LIPA: variants seen among roughly 807,000 people sequenced by gnomAD.
LIPA encodes lysosomal acid lipase/cholesteryl ester hydrolase.
In LIPA, 26 loss-of-function variants were observed where a neutral mutation model predicts 40.6. The ratio of observed to expected loss-of-function variants is 0.64; its 90% CI spans 0.47 to 0.89. The LOEUF (loss-of-function observed/expected upper bound fraction) is 0.89. Ranked by LOEUF, LIPA falls within the 40% of genes least tolerant of loss-of-function variation. The pLI, the probability that LIPA is intolerant of heterozygous loss-of-function variation, is 0.00. For synonymous variants in LIPA, 188 were observed against 168.4 expected, an observed-to-expected ratio of 1.12 and a Z score of -0.90; for missense variants, 455 against 479.6, an observed-to-expected ratio of 0.95 and a Z score of 0.48.
At chr10:89,222,670 T>TAAAAACTA (rs1278188218) in intron 7 of LIPA, 88 bp from the exon 8 acceptor site, 15 of 867,674 alleles carry the variant, frequency 1.7e-5, no homozygotes, top group Admixed American at 1.0e-4. Context: ...TTCAAAGCAC[T>TAAAAACTA]AAAAACTAGA....
At chr10:89,339,327 T>C in intron 1 of LIPA, 1 of 1,613,818 alleles carries the variant, frequency 6.2e-7, no homozygotes, top group Non-Finnish European at 8.5e-7. Flanking sequence ...ATAAAGAAGC[T>C]GAAGGAGAGC....
intron 1 of LIPA, among the ~76,000 whole-genome samples, chr10:89,322,236 C>T (rs113501317): frequency 6.9e-4 from 105 of 152,046 alleles, no homozygotes; most frequent in Middle Eastern, 3.4e-3. Context: ...AATGCAGTTT[C>T]GAGCTCGGGG....
intron 1 of LIPA, chr10:89,339,968 A>T (rs966086337): frequency 6.2e-7 from 1 of 1,614,222 alleles, no homozygotes; most frequent in Non-Finnish European, 8.5e-7. Flanking sequence ...GCCAAATGTT[A>T]TGAGAAGGAA....
At chr10:89,345,784 CAG>C (rs1367664893), upstream of LIPA, among the ~76,000 whole-genome samples, 1 of 152,004 alleles carries the variant, frequency 6.6e-6, no homozygotes, top group Non-Finnish European at 1.5e-5. Context: ...GGAAAATCAA[CAG>C]AGATATTCAG....
chr10:89,339,859 C>T (rs376587457), intron 1 of LIPA: 2 of 1,614,060 alleles, frequency 1.2e-6, no homozygotes, highest in African/African-American at 2.7e-5. Flanking sequence ...CAAAGACCAA[C>T]CACAGAATGT....
At chr10:89,249,607 T>G (rs965473119) in intron 1 of LIPA, among the ~76,000 whole-genome samples, 1 of 151,798 alleles carries the variant, frequency 6.6e-6, no homozygotes, top group Admixed American at 6.6e-5. Context: ...AAAATAATTA[T>G]GCCAAAAGAA....
At chr10:89,354,086 C>A (rs1259512439) in intron 2 of LIPA, among the ~76,000 whole-genome samples, 2 of 152,192 alleles carry the variant, frequency 1.3e-5, no homozygotes, top group Non-Finnish European at 2.9e-5. Flanking sequence ...TTTCTTTCTT[C>A]TAAGGAGGCA....
At chr10:89,229,457 G>A (rs1459507537) in intron 3 of LIPA, among the ~76,000 whole-genome samples, 1 of 152,144 alleles carries the variant, frequency 6.6e-6, no homozygotes, top group African/African-American at 2.4e-5. Context: ...AACATCAAGA[G>A]TGAACTGTAG....
intron 1 of LIPA, among the ~76,000 whole-genome samples, chr10:89,272,048 C>A (rs1843268398): frequency 6.6e-6 from 1 of 151,752 alleles, no homozygotes. Flanking sequence ...CCAGCCTGGG[C>A]ACACAGAGTG....
intron 2 of LIPA, among the ~76,000 whole-genome samples, chr10:89,347,902 C>T (rs1159095860): frequency 1.3e-5 from 2 of 152,146 alleles, no homozygotes; most frequent in African/African-American, 2.4e-5. Flanking sequence ...GCAGCCCAAG[C>T]GGGACATGCC....
At chr10:89,285,816 C>T (rs1381427890) in intron 1 of LIPA, among the ~76,000 whole-genome samples, 1 of 151,730 alleles carries the variant, frequency 6.6e-6, no homozygotes, top group East Asian at 1.9e-4. Context: ...AACACCCCAC[C>T]CCTTCCCCAT....
chr10:89,376,445 T>C (rs981091483), intron 2 of LIPA, among the ~76,000 whole-genome samples: 7 of 152,212 alleles, frequency 4.6e-5, no homozygotes, highest in African/African-American at 1.7e-4. Context: ...ACGTTCCTTT[T>C]CTGGGTAGTC....
At chr10:89,392,791 A>T in intron 2 of LIPA, 4 of 1,486,316 alleles carry the variant, frequency 2.7e-6, no homozygotes, top group Non-Finnish European at 3.8e-6. Context: ...CTATTTCAAC[A>T]GGTTAGATCT....
intron 1 of LIPA, among the ~76,000 whole-genome samples, chr10:89,321,517 G>A: frequency 6.6e-6 from 1 of 152,198 alleles, no homozygotes; most frequent in Admixed American, 6.5e-5. Context: ...AAACCACAAT[G>A]AGATGCCATC....
chr10:89,348,405 A>T (rs529366642), intron 2 of LIPA, among the ~76,000 whole-genome samples: 9 of 152,306 alleles, frequency 5.9e-5, no homozygotes, highest in Admixed American at 5.2e-4. Context: ...AACTGGAAAA[A>T]GTGTATACAA....
At position 89,413,777 on chromosome 10, in the gene LIPA, AAAAAACC is replaced by A. The variant is rs201775708; in HGVS notation, c.-72+623_-72+629del. Among the ~76,000 whole-genome samples the A allele has an allele frequency of 4.0e-3, 606 of 149,876 alleles. 33 individuals are homozygous for A. The East Asian group carries it at 0.11, about 27-fold the overall frequency. On this transcript the variant is annotated intron_variant, in intron 1 of 8. Transcript: ENST00000371837. ...GTGAGACCCTGTCTCAAAAAAAAAA[AAAAAACC>A]AAAATCAATGCAAAAGATGAATTAT...
At chr10:89,373,932 A>C (rs1844106756) in intron 2 of LIPA, among the ~76,000 whole-genome samples, 2 of 152,342 alleles carry the variant, frequency 1.3e-5, no homozygotes, top group South Asian at 4.1e-4. Context: ...TAAACCATGC[A>C]CAAAAAAATC....
At chr10:89,276,388 A>G (rs764484638) in intron 1 of LIPA, among the ~76,000 whole-genome samples, 7 of 152,224 alleles carry the variant, frequency 4.6e-5, no homozygotes, top group Non-Finnish European at 1.0e-4. Flanking sequence ...CAGAAACTCA[A>G]TTAGCAGCCA....
intron 1 of LIPA, among the ~76,000 whole-genome samples, chr10:89,249,694 T>C (rs986493117): frequency 1.3e-5 from 2 of 152,152 alleles, no homozygotes; most frequent in Non-Finnish European, 2.9e-5. Context: ...CAGTCTAATC[T>C]ATATTCACAG....
Sources: allele counts gnomAD v4.1 joint callset (sites outside exome capture counted in the v4.1 genomes callset), GRCh38; gene constraint gnomAD v4.1.1; transcripts MANE v1.5; gene names NCBI Gene and HGNC (gene_info 2026-07-23, HGNC 2026-07-21).